Variants in ATRX observed in about 807,000 individuals in gnomAD.
ATRX encodes ATRX chromatin remodeler, also known as chromatin remodeler ATRX.
ATRX carries 12 observed loss-of-function variants against 172.6 expected under a neutral mutation model. That is an observed-to-expected ratio of 0.07 (90% CI 0.04 to 0.11). The LOEUF (loss-of-function observed/expected upper bound fraction) is 0.11, where lower values mean the gene tolerates loss of function less well. Ranked by LOEUF, ATRX falls within the 10% of genes least tolerant of loss-of-function variation. The probability of loss-of-function intolerance (pLI) is 1.00; values close to 1 mark genes in which losing one functional copy is unlikely to be tolerated. For missense variants in ATRX, 1,368 were observed against 1,767.4 expected, an observed-to-expected ratio of 0.77 and a Z score of 4.05; for synonymous variants, 674 against 594.7, an observed-to-expected ratio of 1.13 and a Z score of -1.94.
At chrX:77,556,062 G>A in intron 30 of ATRX, among the ~76,000 whole-genome samples, 1 of 105,087 alleles carries the variant, frequency 9.5e-6, no homozygotes, top group Non-Finnish European at 2.0e-5. Flanking sequence ...TATAGTCCTA[G>A]CTACTTGGGA....
intron 22 of ATRX, chrX:77,616,363 A>G: frequency 1.0e-6 from 1 of 983,067 alleles, no homozygotes; most frequent in Admixed American, 4.3e-5. Flanking sequence ...TTTCTGAAAT[A>G]AAAGCTCTTT....
chrX:77,698,638 G>C lies in ATRX; in HGVS notation c.134-9C>G, dbSNP rs782350220. 1 of 1,188,766 alleles carries C rather than the reference G, an allele frequency of 8.4e-7. No individual in the cohort carries two copies. The highest frequency in any genetic ancestry group is 1.7e-5 in the African/African-American group (1 of 57,296). On this transcript the variant is annotated splice_polypyrimidine_tract_variant and intron_variant, in intron 2 of 34. Coordinates refer to ENST00000373344, the MANE Select transcript of ATRX (RefSeq NM_000489.6). ...AGAACCACTGATTTTATCTAAAAAA[G>C]AAGAAATAAAGAACATTATTTATCT...
At chrX:77,781,937 C>G (rs1316959280) in intron 1 of ATRX, among the ~76,000 whole-genome samples, 2 of 112,100 alleles carry the variant, frequency 1.8e-5, no homozygotes, top group Non-Finnish European at 3.8e-5. Context: ...ACAATTATTT[C>G]ACACACCTAC....
intron 2 of ATRX, among the ~76,000 whole-genome samples, chrX:77,710,304 A>T (rs987845128): frequency 9.2e-6 from 1 of 108,887 alleles, no homozygotes; most frequent in African/African-American, 3.3e-5. Context: ...ATTTCAATAA[A>T]AAAAAAAAAA....
chrX:77,543,734 C>T (rs782355428), intron 30 of ATRX, among the ~76,000 whole-genome samples: 2 of 110,016 alleles, frequency 1.8e-5, no homozygotes, highest in South Asian at 3.9e-4. Context: ...CACATGTTCT[C>T]GCTCATAAGC....
At chrX:77,533,531 C>G (rs781868213) in intron 30 of ATRX, among the ~76,000 whole-genome samples, 1 of 111,493 alleles carries the variant, frequency 9.0e-6, no homozygotes, top group Non-Finnish European at 1.9e-5. Flanking sequence ...AATGAAGGAA[C>G]AGAAAACCAA....
At chrX:77,648,109 A>T (rs996493801) in intron 15 of ATRX, among the ~76,000 whole-genome samples, 68 of 111,959 alleles carry the variant, frequency 6.1e-4, no homozygotes, top group Non-Finnish European at 5.1e-4. Flanking sequence ...TATGTACCTA[A>T]CAAAACAACT....
chrX:77,769,218 G>A (rs1341411394), intron 1 of ATRX, among the ~76,000 whole-genome samples: 1 of 110,800 alleles, frequency 9.0e-6, no homozygotes, highest in Admixed American at 9.7e-5. Context: ...TTTTCTAAAT[G>A]GGAAAAGCAG....
intron 30 of ATRX, among the ~76,000 whole-genome samples, chrX:77,528,889 AC>A (rs1557045144): frequency 1.8e-5 from 2 of 112,138 alleles, no homozygotes; most frequent in African/African-American, 6.5e-5. Flanking sequence ...GCATGTTTTA[AC>A]CCAAGGCAAA....
Position 77,521,475 on chromosome X carries a change from T to C in ATRX, c.6999A>G (p.Glu2333=). 8.3e-7 allele frequency: 1 copy of C among 1,206,519 alleles called. No homozygotes were observed. Among genetic ancestry groups the C allele is most frequent in the Non-Finnish European group, 1.1e-6 (1 of 891,030 alleles). The change falls in exon 33 of 35, where the codon GAA becomes GAG. Residue 2333 remains glutamate, a synonymous_variant. Coordinates refer to ENST00000373344, the MANE Select transcript of ATRX (RefSeq NM_000489.6). The part of the protein sequence containing the change: ...QLEDLINQGR[E]KVVEATNSVT... Reference sequence around the variant, plus strand: ...CACTGTTTGTTGCTTCTACAACTTTTTCTCTTCCTTGATTAATGAGGTCCT... The same window carrying C: ...CACTGTTTGTTGCTTCTACAACTTTCTCTCTTCCTTGATTAATGAGGTCCT...
rs111437851 is a variant in ATRX at position 77,741,037 on chromosome X, TAC to T, written c.21-23796_21-23795del. On this transcript the variant is annotated intron_variant, in intron 1 of 34. Transcript: ENST00000373344. Reference sequence around the variant, plus strand: ...GAGCAACATAGTGAGACCCTGTCTCTACACACACACACACACACACACACACA... The same window carrying T: ...GAGCAACATAGTGAGACCCTGTCTCTACACACACACACACACACACACACA... Among the ~76,000 whole-genome samples the T allele has an allele frequency of 8.0e-3, 796 of 99,085 alleles. 10 individuals are homozygous for T. Among genetic ancestry groups the T allele is most frequent in the African/African-American group, 0.027 (752 of 28,004 alleles). 86.0% of individuals were successfully genotyped at this position (99,085 alleles called of 115,157 possible). A position where few individuals can be genotyped will look rare whatever the true frequency, so the allele number is the denominator to read the frequency against.
chrX:77,522,509 A>C, intron 31 of ATRX, 121 bp from the exon 32 acceptor site: 1 of 820,929 alleles, frequency 1.2e-6, no homozygotes, highest in African/African-American at 2.0e-5. Flanking sequence ...ACACTCTTCC[A>C]CACACAAACA....
At chrX:77,777,489 G>A (rs1049085346) in intron 1 of ATRX, among the ~76,000 whole-genome samples, 6 of 111,645 alleles carry the variant, frequency 5.4e-5, no homozygotes, top group Admixed American at 4.8e-4. Flanking sequence ...CCCTGACCCT[G>A]CAGACAAAAT....
chrX:77,725,372 A>G (rs1429596528), intron 1 of ATRX, among the ~76,000 whole-genome samples: 6 of 112,193 alleles, frequency 5.3e-5, no homozygotes, highest in Non-Finnish European at 9.4e-5. Context: ...AAAATGGGGA[A>G]AGAATTCCCT....
At chrX:77,752,695 G>A (rs183509779) in intron 1 of ATRX, among the ~76,000 whole-genome samples, 181 of 111,686 alleles carry the variant, frequency 1.6e-3, no homozygotes, top group African/African-American at 5.7e-3. Context: ...GAATTTTATC[G>A]AAGGCCTTTT....
At chrX:77,634,467 C>T (rs2068255159) in intron 17 of ATRX, 127 bp downstream of exon 17, 2 of 551,425 alleles carry the variant, frequency 3.6e-6, no homozygotes, top group Non-Finnish European at 3.1e-6. Flanking sequence ...TCCTTGGAGA[C>T]AGATCTTGTT....
chrX:77,549,810 C>T (rs1841488215), intron 30 of ATRX, among the ~76,000 whole-genome samples: 1 of 111,671 alleles, frequency 9.0e-6, no homozygotes, highest in African/African-American at 3.3e-5. Context: ...CAGTAAGAAT[C>T]CAATGAGGGG....
intron 1 of ATRX, among the ~76,000 whole-genome samples, chrX:77,738,175 A>G (rs1432556798): frequency 1.8e-5 from 2 of 108,447 alleles, no homozygotes; most frequent in African/African-American, 6.7e-5. Context: ...TCTCTACAGA[A>G]TTTTTTTAAA....
intron 26 of ATRX, among the ~76,000 whole-genome samples, chrX:77,593,400 TG>T (rs1201883949): frequency 3.6e-5 from 4 of 110,402 alleles, no homozygotes; most frequent in African/African-American, 1.3e-4. Context: ...AACCGAAAAA[TG>T]ATTTTGAAGA....
Sources: gnomAD v4.1 joint callset for allele counts (sites outside exome capture counted in the v4.1 genomes callset) on GRCh38, gnomAD v4.1.1 for gene constraint, MANE v1.5 for transcripts, NCBI Gene and HGNC (gene_info 2026-07-23, HGNC 2026-07-21) for gene names.